The following NKAIN3 variants were observed in gnomAD, a reference collection of about 807,000 sequenced individuals.
The protein encoded by NKAIN3 is sodium/potassium-transporting ATPase subunit beta-1-interacting protein 3.
NKAIN3 carries 25 observed loss-of-function variants against 30.2 expected under a neutral mutation model. That is an observed-to-expected ratio of 0.83 (90% CI 0.60 to 1.16). NKAIN3 has a LOEUF of 1.16. Among genes scored for constraint, NKAIN3 ranks in the 50% most tolerant of loss-of-function variants. NKAIN3 has a pLI of 0.00. For missense variants in NKAIN3, 225 were observed against 254.1 expected, an observed-to-expected ratio of 0.89 and a Z score of 0.78; for synonymous variants, 91 against 89.6, an observed-to-expected ratio of 1.02 and a Z score of -0.09.
chr8:62,527,885 GTGTGTGTGTGTGTGT>G (rs1563441008), intron 1 of NKAIN3, among the ~76,000 whole-genome samples: 8 of 94,182 alleles, frequency 8.5e-5, no homozygotes, highest in African/African-American at 2.9e-4. Context: ...TTTTTTTGGT[GTGTGTGTGTGTGTGT>G]GTGTGTGTGT....
intron 3 of NKAIN3, among the ~76,000 whole-genome samples, chr8:62,675,079 TC>T (rs1174611898): frequency 6.6e-6 from 1 of 152,222 alleles, no homozygotes; most frequent in Middle Eastern, 3.2e-3. Context: ...ATTATATTTT[TC>T]ATGTTAATAT....
chr8:62,345,504 CACATATAT>C (rs1414983004), intron 1 of NKAIN3, among the ~76,000 whole-genome samples: 6 of 9,206 alleles, frequency 6.5e-4, no homozygotes, highest in Admixed American at 3.9e-3. Context: ...CACATATATA[CACATATAT>C]ACACATATAT....
At chr8:62,731,841 G>A (rs1447756993) in intron 3 of NKAIN3, among the ~76,000 whole-genome samples, 1 of 152,088 alleles carries the variant, frequency 6.6e-6, no homozygotes. Flanking sequence ...TTCTTCAAGA[G>A]CACTTCCTCA....
intron 3 of NKAIN3, among the ~76,000 whole-genome samples, chr8:62,671,544 A>G (rs1163796611): frequency 6.6e-6 from 1 of 152,172 alleles, no homozygotes; most frequent in Non-Finnish European, 1.5e-5. Flanking sequence ...ACTTTCCTAG[A>G]TTTTTATTTT....
chr8:62,289,011 T>C (rs547327215), intron 1 of NKAIN3, among the ~76,000 whole-genome samples: 598 of 152,292 alleles, frequency 3.9e-3, no homozygotes, highest in African/African-American at 0.013. Context: ...AGCATTTTTT[T>C]ATGTATCTGT....
chr8:62,945,557 G>A (rs1455870687), intron 5 of NKAIN3, among the ~76,000 whole-genome samples: 1 of 152,196 alleles, frequency 6.6e-6, no homozygotes, highest in Admixed American at 6.5e-5. Flanking sequence ...GAAAGAAGAT[G>A]ATTATAGAAG....
chr8:62,706,176 A>G (rs1814513467), intron 3 of NKAIN3, among the ~76,000 whole-genome samples: 1 of 152,132 alleles, frequency 6.6e-6, no homozygotes, highest in Non-Finnish European at 1.5e-5. Context: ...AGTAGAAGAA[A>G]GAGCTGGGGG....
chr8:62,300,641 T>C (rs1814014067), intron 1 of NKAIN3, among the ~76,000 whole-genome samples: 2 of 152,182 alleles, frequency 1.3e-5, no homozygotes, highest in Non-Finnish European at 2.9e-5. Context: ...TTCCTTATTA[T>C]AATTGTTAGA....
chr8:62,325,705 G>C (rs1377137968), intron 1 of NKAIN3, among the ~76,000 whole-genome samples: 1 of 151,970 alleles, frequency 6.6e-6, no homozygotes, highest in African/African-American at 2.4e-5. Context: ...TCTTATGATG[G>C]TTTCAATTTG....
chr8:62,877,293 A>G (rs561263729), intron 4 of NKAIN3, among the ~76,000 whole-genome samples: 49 of 152,234 alleles, frequency 3.2e-4, no homozygotes, highest in Non-Finnish European at 4.9e-4. Flanking sequence ...GTCTCCCCCA[A>G]TAAGGTGTTC....
At chr8:62,925,387 T>A (rs574606833) in intron 5 of NKAIN3, among the ~76,000 whole-genome samples, 1 of 152,114 alleles carries the variant, frequency 6.6e-6, no homozygotes, top group African/African-American at 2.4e-5. Context: ...GGAAAAAAAA[T>A]GATTAATTCA....
At position 62,520,344 on chromosome 8, in the gene NKAIN3, G is replaced by A. The variant is rs537797993; in HGVS notation, c.55-59195G>A. 9.9e-5 allele frequency among the ~76,000 whole-genome samples: 15 copies of A among 152,070 alleles called. No individual in the cohort carries two copies. In the South Asian group the frequency reaches 1.5e-3, roughly 15 times the overall value. ...GGATTCTTTTCAGGATTTTGATTTA[G>A]TTACATAACAAATAGTAAAAACATA... On this transcript the variant is annotated intron_variant, in intron 1 of 6. Coordinates refer to ENST00000623646, the MANE Select transcript of NKAIN3 (RefSeq NM_001304533.3).
At chr8:62,321,036 T>C (rs1396074619) in intron 1 of NKAIN3, among the ~76,000 whole-genome samples, 3 of 152,216 alleles carry the variant, frequency 2.0e-5, no homozygotes, top group African/African-American at 7.2e-5. Context: ...TCATTTCTTT[T>C]TATTCTTTTT....
intron 4 of NKAIN3, among the ~76,000 whole-genome samples, chr8:62,838,918 G>A (rs2130756641): frequency 1.3e-5 from 2 of 152,082 alleles, no homozygotes; most frequent in Admixed American, 1.3e-4. Flanking sequence ...GGATAACTCG[G>A]GTAGAAATTG....
chr8:62,398,599 C>G, intron 1 of NKAIN3, among the ~76,000 whole-genome samples: 1 of 152,266 alleles, frequency 6.6e-6, no homozygotes, highest in Non-Finnish European at 1.5e-5. Context: ...AAAACAAACA[C>G]GTTACAAGCC....
intron 4 of NKAIN3, among the ~76,000 whole-genome samples, chr8:62,876,384 C>T (rs1017569523): frequency 1.3e-5 from 2 of 152,218 alleles, no homozygotes; most frequent in African/African-American, 4.8e-5. Context: ...ATTAGTTCAA[C>T]CATTGTAGAA....
intron 5 of NKAIN3, among the ~76,000 whole-genome samples, chr8:62,936,670 G>A (rs1029917794): frequency 6.6e-6 from 1 of 152,058 alleles, no homozygotes; most frequent in Non-Finnish European, 1.5e-5. Context: ...CATCTTTAAT[G>A]TCCCTAAACA....
chr8:62,953,150 C>T (rs1161256016), intron 5 of NKAIN3, among the ~76,000 whole-genome samples: 1 of 152,122 alleles, frequency 6.6e-6, no homozygotes, highest in African/African-American at 2.4e-5. Flanking sequence ...CACACACACA[C>T]ACACTCCTGA....
intron 1 of NKAIN3, among the ~76,000 whole-genome samples, chr8:62,578,287 G>GTA (rs1810180439): frequency 6.6e-6 from 1 of 152,026 alleles, no homozygotes; most frequent in Non-Finnish European, 1.5e-5. Flanking sequence ...ATAAATTGTT[G>GTA]TGTATATATT....
Sources: gnomAD v4.1 joint callset for allele counts (sites outside exome capture counted in the v4.1 genomes callset) on GRCh38, gnomAD v4.1.1 for gene constraint, MANE v1.5 for transcripts, NCBI Gene and HGNC (gene_info 2026-07-23, HGNC 2026-07-21) for gene names.